LYPD6B: variants seen among roughly 807,000 people sequenced by gnomAD.
LYPD6B encodes the protein ly6/PLAUR domain-containing protein 6B.
A neutral mutation model predicts 22.8 loss-of-function variants in LYPD6B; 17 were observed. The ratio of observed to expected loss-of-function variants is 0.75; its 90% CI spans 0.51 to 1.12. The LOEUF is 1.12. Among genes scored for constraint, LYPD6B ranks in the 50% most tolerant of loss-of-function variants. The pLI is 0.00. For synonymous variants in LYPD6B, 106 were observed against 91.6 expected, an observed-to-expected ratio of 1.16 and a Z score of -0.90; for missense variants, 221 against 258.3, an observed-to-expected ratio of 0.86 and a Z score of 0.99.
At chr2:149,098,725 G>A (rs576904110) in intron 1 of LYPD6B, among the ~76,000 whole-genome samples, 1 of 146,622 alleles carries the variant, frequency 6.8e-6, no homozygotes, top group Admixed American at 6.8e-5. Context: ...TTGGAACTTT[G>A]TTTTATGTAT....
intron 1 of LYPD6B, among the ~76,000 whole-genome samples, chr2:149,080,796 C>T (rs917671818): frequency 3.8e-5 from 5 of 132,572 alleles, no homozygotes; most frequent in Non-Finnish European, 3.1e-5. Flanking sequence ...GAGCCAAGAT[C>T]GTGCCACTGC....
At chr2:149,093,091 C>G (rs1367289517) in intron 1 of LYPD6B, among the ~76,000 whole-genome samples, 1 of 152,094 alleles carries the variant, frequency 6.6e-6, no homozygotes. Context: ...GCTGTTTGAC[C>G]TGGAACAAGG....
chr2:149,143,450 A>C (rs1425103191), intron 2 of LYPD6B, among the ~76,000 whole-genome samples: 1 of 150,002 alleles, frequency 6.7e-6, no homozygotes, highest in Non-Finnish European at 1.5e-5. Context: ...AGACTACGCC[A>C]TGTTTTTACT....
chr2:149,091,932 G>A (rs1685670292), intron 1 of LYPD6B, among the ~76,000 whole-genome samples: 1 of 152,106 alleles, frequency 6.6e-6, no homozygotes, highest in South Asian at 2.1e-4. Flanking sequence ...CTGGCAAGGT[G>A]GGATGTGATT....
chr2:149,175,031 C>T (rs1014728020), intron 3 of LYPD6B, among the ~76,000 whole-genome samples: 1 of 108,246 alleles, frequency 9.2e-6, no homozygotes, highest in East Asian at 3.1e-4. Flanking sequence ...TAATCTCTCT[C>T]TCTCTCTCTC....
Position 149,112,451 on chromosome 2 carries a change from G to A in LYPD6B, c.-66-18432G>A, listed in dbSNP as rs558117491. ...TACGTTTAGGTTAAACAAACAAAAA[G>A]CTATGCAGAGAAAAGACAGGAAGAA... On this transcript the variant is annotated intron_variant, in intron 1 of 6. Transcript: ENST00000409642. 2.6e-5 allele frequency among the ~76,000 whole-genome samples: 4 copies of A among 152,136 alleles called. No homozygotes were observed. In the South Asian group the frequency reaches 8.3e-4, roughly 32 times the overall value.
chr2:149,041,098 C>CAAAAAAA (rs552623435), intron 1 of LYPD6B, among the ~76,000 whole-genome samples: 1 of 110,772 alleles, frequency 9.0e-6, no homozygotes, highest in African/African-American at 3.8e-5. Context: ...GACTCCGTCT[C>CAAAAAAA]AAAAAAAAAA....
intron 1 of LYPD6B, among the ~76,000 whole-genome samples, chr2:149,130,301 C>A (rs1687946055): frequency 6.6e-6 from 1 of 152,014 alleles, no homozygotes; most frequent in East Asian, 1.9e-4. Context: ...TCTTTAAATG[C>A]CTTTTGAAGG....
intron 1 of LYPD6B, among the ~76,000 whole-genome samples, chr2:149,096,461 C>A (rs577907978): frequency 6.6e-6 from 1 of 152,130 alleles, no homozygotes; most frequent in Admixed American, 6.6e-5. Flanking sequence ...AGCAAATATA[C>A]CCTATGGGTT....
chr2:149,211,486 A>G (rs542584895), intron 5 of LYPD6B, among the ~76,000 whole-genome samples: 1 of 152,324 alleles, frequency 6.6e-6, no homozygotes, highest in South Asian at 2.1e-4. Context: ...CTTAAGGCTT[A>G]TGGTGAAGAT....
intron 3 of LYPD6B, among the ~76,000 whole-genome samples, chr2:149,181,819 C>T (rs1691743603): frequency 6.6e-6 from 1 of 152,212 alleles, no homozygotes; most frequent in Admixed American, 6.5e-5. Context: ...TGCCTTTCCC[C>T]ATGAAAATCT....
At chr2:149,056,691 G>C (rs1683811253) in intron 1 of LYPD6B, among the ~76,000 whole-genome samples, 1 of 152,102 alleles carries the variant, frequency 6.6e-6, no homozygotes, top group South Asian at 2.1e-4. Flanking sequence ...CCTCTGTAGG[G>C]AGGCAATCTG....
At chr2:149,064,358 A>G (rs1480435395) in intron 1 of LYPD6B, among the ~76,000 whole-genome samples, 2 of 152,250 alleles carry the variant, frequency 1.3e-5, no homozygotes, top group Admixed American at 1.3e-4. Context: ...TACCGCTTTT[A>G]TCAACAGTTT....
At chr2:149,100,424 A>G (rs995367769) in intron 1 of LYPD6B, among the ~76,000 whole-genome samples, 8 of 148,522 alleles carry the variant, frequency 5.4e-5, no homozygotes, top group Non-Finnish European at 1.1e-4. Flanking sequence ...GACAAAAAAA[A>G]AAAAAAAAAA....
chr2:149,206,108 C>T, intron 4 of LYPD6B: 1 of 423,342 alleles, frequency 2.4e-6, no homozygotes, highest in South Asian at 1.8e-5. Flanking sequence ...CTGTAGTTCC[C>T]ACGCCTGGAA....
At chr2:149,115,103 T>C (rs914738843) in intron 1 of LYPD6B, among the ~76,000 whole-genome samples, 2 of 152,242 alleles carry the variant, frequency 1.3e-5, no homozygotes, top group Admixed American at 1.3e-4. Flanking sequence ...TACATCCAGC[T>C]AATTTTTGTC....
chr2:149,166,622 G>T (rs941508077), intron 3 of LYPD6B, among the ~76,000 whole-genome samples: 1 of 152,112 alleles, frequency 6.6e-6, no homozygotes, highest in Admixed American at 6.5e-5. Flanking sequence ...TCCCATCCTT[G>T]TCTCTTGACT....
At chr2:149,053,964 GT>G (rs1466651796) in intron 1 of LYPD6B, among the ~76,000 whole-genome samples, 3 of 152,140 alleles carry the variant, frequency 2.0e-5, no homozygotes, top group Admixed American at 2.0e-4. Flanking sequence ...ATAATATTCC[GT>G]TGTACGAATA....
At chr2:149,200,492 C>T (rs1693079036) in intron 3 of LYPD6B, 1 of 150,932 alleles carries the variant, frequency 6.6e-6, no homozygotes, top group African/African-American at 2.4e-5. Context: ...GAGTATCTAG[C>T]ATGCACTGAG....
Sources: gnomAD v4.1 joint callset for allele counts (sites outside exome capture counted in the v4.1 genomes callset) on GRCh38, gnomAD v4.1.1 for gene constraint, MANE v1.5 for transcripts, NCBI Gene and HGNC (gene_info 2026-07-23, HGNC 2026-07-21) for gene names.